Variants in MOK observed in about 807,000 individuals in gnomAD.
MOK encodes the protein MAPK/MAK/MRK overlapping kinase.
Under a neutral mutation model 54.2 loss-of-function variants are expected in MOK, and 59 were observed. The ratio of observed to expected loss-of-function variants is 1.09; its 90% CI spans 0.88 to 1.35. The LOEUF is 1.35. Among genes scored for constraint, MOK ranks in the 40% most tolerant of loss-of-function variants. The pLI, the probability that MOK is intolerant of heterozygous loss-of-function variation, is 0.00. For synonymous variants in MOK, 210 were observed against 202.7 expected (o/e 1.04, Z -0.31); for missense variants, 517 against 526.2 (o/e 0.98, Z 0.17).
chr14:102,226,172 T>C, downstream of MOK: 2 of 599,878 alleles, frequency 3.3e-6, no homozygotes, highest in East Asian at 2.8e-5. The surrounding 1 kb of genome is among the most constrained non-coding windows in gnomAD (Gnocchi z 4.8). Flanking sequence ...TGCTTACTGC[T>C]TCTCCCTGCA....
intron 4 of MOK, among the ~76,000 whole-genome samples, chr14:102,260,836 C>A (rs1400822014): frequency 6.6e-6 from 1 of 152,082 alleles, no homozygotes; most frequent in Non-Finnish European, 1.5e-5. Flanking sequence ...TACATATATT[C>A]TAAGGCTGGG....
chr14:102,226,032 G>A (rs565228910), downstream of MOK: 10 of 463,350 alleles, frequency 2.2e-5, no homozygotes, highest in Admixed American at 8.0e-5. This position sits in a 1 kb window ranked among gnomAD's most constrained non-coding sequence, Gnocchi z 4.8. Context: ...TAGCTGCCTT[G>A]TGGCAGGCTG....
Position 102,283,469 on chromosome 14 carries a change from G to A in MOK, c.122+9C>T, listed in dbSNP as rs375478240. The A allele has an allele frequency of 5.0e-6, 8 of 1,596,320 alleles. No homozygotes were observed. The highest frequency in any genetic ancestry group is 6.9e-6 in the Non-Finnish European group (8 of 1,167,744). The stretch of plus-strand genomic sequence containing the variant: ...TGTGTTTGGTCCCAAGTGCATCTCT[G>A]TAGCCTACCTTTCAAAGCGCTGCTT... On this transcript the variant is annotated intron_variant, in intron 2 of 11. Transcript: ENST00000361847.
At chr14:102,287,676 A>G (rs966734628) in intron 1 of MOK, among the ~76,000 whole-genome samples, 5 of 152,176 alleles carry the variant, frequency 3.3e-5, no homozygotes, top group East Asian at 1.9e-4. Context: ...ATGATGAGAT[A>G]CCACTTCACA....
At chr14:102,292,181 T>C (rs1383607364) in intron 1 of MOK, among the ~76,000 whole-genome samples, 2 of 152,072 alleles carry the variant, frequency 1.3e-5, no homozygotes, top group Non-Finnish European at 2.9e-5. Context: ...GGTCAAATTA[T>C]GGAGTACATA....
At position 102,250,908 on chromosome 14, in the gene MOK, C is replaced by T. The variant is rs777807343; in HGVS notation, c.494G>A (p.Arg165His). Residue 165 changes from arginine to histidine, a missense_variant, in exon 7 of 12, where the codon CGC becomes CAC. By Grantham distance (29) the Arg-to-His change is conservative. Transcript: ENST00000361847. ...GAGACACTCCGGGGCCCGGTACCAG[C>T]GGGTGGAGATGTATTCCGTGTACGG... ...KQPYTEYIST[R>H]WYRAPECLLT... 5.6e-6 allele frequency: 9 copies of T among 1,613,940 alleles called. No individual in the cohort carries two copies. The highest frequency in any genetic ancestry group is 2.2e-5 in the South Asian group (2 of 91,088).
intron 1 of MOK, among the ~76,000 whole-genome samples, chr14:102,285,423 C>T (rs1377329816): frequency 6.6e-6 from 1 of 152,184 alleles, no homozygotes; most frequent in Non-Finnish European, 1.5e-5. Context: ...CTTCAGTATT[C>T]CTTTCCACAT....
At chr14:102,297,226 C>T (rs2071527675) in intron 1 of MOK, among the ~76,000 whole-genome samples, 5 of 151,732 alleles carry the variant, frequency 3.3e-5, no homozygotes, top group South Asian at 2.1e-4. Flanking sequence ...GGTGTGGTGG[C>T]GGGCGCCTGT....
In MOK at chr14:102,232,769, A is replaced by G. The variant is rs4906183; in HGVS notation, c.693-61T>C. 1 of 1,458,336 alleles carries G rather than the reference A, an allele frequency of 6.9e-7. No individual in the cohort carries two copies. Among genetic ancestry groups the G allele is most frequent in the East Asian group, 2.3e-5 (1 of 43,730 alleles). 90.3% of individuals were successfully genotyped at this position (1,458,336 alleles called of 1,614,324 possible). A position where few individuals can be genotyped will look rare whatever the true frequency, so the allele number is the denominator to read the frequency against. ...CTGTCACTGAGCGCACCGGTGGTCC[A>G]CTGTCACAACTAAGGGCCCTGTGTG... On this transcript the variant is annotated intron_variant, in intron 8 of 11. Coordinates refer to ENST00000361847, the MANE Select transcript of MOK (RefSeq NM_014226.3). The surrounding 1 kb of genome is among the most constrained non-coding windows in gnomAD (Gnocchi z 5.1).
chr14:102,260,084 G>A (rs936715589), intron 4 of MOK, among the ~76,000 whole-genome samples: 1 of 151,948 alleles, frequency 6.6e-6, no homozygotes, highest in South Asian at 2.1e-4. Flanking sequence ...GCTAAGGCAG[G>A]AGAATCGCTT....
chr14:102,292,506 A>G (rs1597599509), intron 1 of MOK, among the ~76,000 whole-genome samples: 1 of 152,116 alleles, frequency 6.6e-6, no homozygotes, highest in East Asian at 1.9e-4. Context: ...AAACAAAAAA[A>G]CAACTAATTA....
In MOK at chr14:102,304,892, A is replaced by G. The variant is rs371675431; in HGVS notation, c.7+70T>C. On this transcript the variant is annotated intron_variant, in intron 1 of 11. Transcript: ENST00000361847. Reference sequence around the variant, plus strand: ...CCCCACAGGCCCCTCAAGCTCCTCAAGCTCCCCCAGTCCCTCCCTCCCCCG... The same window carrying G: ...CCCCACAGGCCCCTCAAGCTCCTCAGGCTCCCCCAGTCCCTCCCTCCCCCG... 226 of 1,518,678 alleles carry G rather than the reference A, an allele frequency of 1.5e-4. No individual in the cohort carries two copies. The African/African-American group carries it at 2.7e-3, about 18-fold the overall frequency. 94.1% of individuals were successfully genotyped at this position (1,518,678 alleles called of 1,614,324 possible).
At chr14:102,226,416 GA>G, downstream of MOK, 1 of 703,062 alleles carries the variant, frequency 1.4e-6, no homozygotes, top group Non-Finnish European at 2.6e-6. The surrounding 1 kb of genome is among the most constrained non-coding windows in gnomAD (Gnocchi z 4.8). Flanking sequence ...GTTCTGTGGG[GA>G]TAATTCAAGC....
At position 102,231,394 on chromosome 14, in the gene MOK, C is replaced by T; in HGVS notation, c.981+313G>A. Reference sequence around the variant, plus strand: ...GTCTGCACGGTGCTTTGGCATAGAACCTGGCACCTGCATATGGTCATCAGG... The same window carrying T: ...GTCTGCACGGTGCTTTGGCATAGAATCTGGCACCTGCATATGGTCATCAGG... On this transcript the variant is annotated intron_variant, in intron 10 of 11. Coordinates refer to ENST00000361847, the MANE Select transcript of MOK (RefSeq NM_014226.3). The surrounding 1 kb of genome is among the most constrained non-coding windows in gnomAD (Gnocchi z 4.4). 1 of 244,996 alleles carries T rather than the reference C, an allele frequency of 4.1e-6. No individual in the cohort carries two copies. 15.2% of individuals were successfully genotyped at this position (244,996 alleles called of 1,614,324 possible).
intron 2 of MOK, among the ~76,000 whole-genome samples, chr14:102,266,571 C>T (rs1206566008): frequency 1.3e-5 from 2 of 151,732 alleles, no homozygotes; most frequent in Non-Finnish European, 2.9e-5. Flanking sequence ...TTTAATGATG[C>T]TATACTCTTT....
chr14:102,224,073 C>G (rs555820442), downstream of MOK, among the ~76,000 whole-genome samples: 192 of 145,470 alleles, frequency 1.3e-3, 1 homozygote, highest in African/African-American at 4.6e-3. Context: ...ATGGAGTCTC[C>G]CTCTGTTGTC....
chr14:102,296,902 AC>A (rs1380845756), intron 1 of MOK, among the ~76,000 whole-genome samples: 6 of 152,132 alleles, frequency 3.9e-5, no homozygotes, highest in African/African-American at 1.4e-4. Flanking sequence ...TACTAAAAAT[AC>A]AAAAATTACC....
chr14:102,281,789 T>A (rs2069469738), intron 2 of MOK, among the ~76,000 whole-genome samples: 1 of 151,736 alleles, frequency 6.6e-6, no homozygotes, highest in Admixed American at 6.6e-5. Flanking sequence ...GTGCATCAAA[T>A]CCTCTCTCAT....
chr14:102,300,593 C>T (rs2072077668), intron 1 of MOK, among the ~76,000 whole-genome samples: 1 of 152,150 alleles, frequency 6.6e-6, no homozygotes, highest in Admixed American at 6.5e-5. Flanking sequence ...TTTAACTAGA[C>T]TAGATAAGGG....
Sources: allele counts gnomAD v4.1 joint callset (sites outside exome capture counted in the v4.1 genomes callset), GRCh38; gene constraint gnomAD v4.1.1; non-coding constraint Gnocchi (gnomAD v3.1); transcripts MANE v1.5; gene names NCBI Gene and HGNC (gene_info 2026-07-23, HGNC 2026-07-21).